The following CACNA2D3 variants were observed in gnomAD, a reference collection of about 807,000 sequenced individuals.
CACNA2D3 encodes the protein calcium voltage-gated channel auxiliary subunit alpha2delta 3.
CACNA2D3 carries 60 observed loss-of-function variants against 160.6 expected under a neutral mutation model. That is an observed-to-expected ratio of 0.37 (90% CI 0.30 to 0.46). The LOEUF is 0.46. CACNA2D3 is among the 20% of genes least tolerant of loss of function. The pLI, the probability that CACNA2D3 is intolerant of heterozygous loss-of-function variation, is 1.00. For missense variants in CACNA2D3, 1,205 were observed against 1,365.0 expected (o/e 0.88, Z 1.85); for synonymous variants, 558 against 492.9 (o/e 1.13, Z -1.75).
intron 9 of CACNA2D3, among the ~76,000 whole-genome samples, chr3:54,606,144 T>TTATATA (rs60294607): frequency 5.1e-4 from 77 of 150,848 alleles, no homozygotes; most frequent in African/African-American, 1.8e-3. Context: ...TAATGTAACT[T>TTATATA]TATATATATA....
intron 3 of CACNA2D3, among the ~76,000 whole-genome samples, chr3:54,376,588 G>A (rs772613199): frequency 1.7e-4 from 26 of 152,106 alleles, no homozygotes; most frequent in Non-Finnish European, 2.9e-4. Context: ...TGTAGCCCAC[G>A]CCACATTATC....
chr3:54,353,619 C>A (rs1042728246), intron 3 of CACNA2D3, among the ~76,000 whole-genome samples: 1 of 152,142 alleles, frequency 6.6e-6, no homozygotes, highest in East Asian at 1.9e-4. Flanking sequence ...CCCAGCCATG[C>A]AGTAGCGCAG....
intron 2 of CACNA2D3, among the ~76,000 whole-genome samples, chr3:54,171,366 A>G (rs1472776499): frequency 3.1e-4 from 47 of 151,834 alleles, no homozygotes. Context: ...CTTGGGTGGC[A>G]GGGCTGACCC....
chr3:54,598,307 C>CAAAAAAAAAAAAAAAAAAAAA (rs10656534), intron 9 of CACNA2D3, among the ~76,000 whole-genome samples: 2 of 49,844 alleles, frequency 4.0e-5, no homozygotes, highest in Non-Finnish European at 6.7e-5. Flanking sequence ...CTCCGTCTCA[C>CAAAAAAAAAAAAAAAAAAAAA]AAAAAAAAAA....
intron 9 of CACNA2D3, among the ~76,000 whole-genome samples, chr3:54,587,519 T>G (rs1180231847): frequency 6.6e-6 from 1 of 151,804 alleles, no homozygotes; most frequent in Non-Finnish European, 1.5e-5. Flanking sequence ...ATGGTGCCAC[T>G]GCACTCCAGC....
chr3:54,910,896 AT>A (rs1559625764), intron 27 of CACNA2D3, among the ~76,000 whole-genome samples: 1 of 152,096 alleles, frequency 6.6e-6, no homozygotes, highest in Non-Finnish European at 1.5e-5. Context: ...TGATTCATTT[AT>A]TTTTTTAAAC....
intron 2 of CACNA2D3, among the ~76,000 whole-genome samples, chr3:54,206,580 G>A (rs1209483637): frequency 6.6e-6 from 1 of 152,192 alleles, no homozygotes; most frequent in Non-Finnish European, 1.5e-5. Flanking sequence ...AACCTTGAGA[G>A]GGTGAGGCTA....
intron 2 of CACNA2D3, among the ~76,000 whole-genome samples, chr3:54,233,057 G>A (rs966461253): frequency 1.3e-5 from 2 of 152,166 alleles, no homozygotes; most frequent in Non-Finnish European, 2.9e-5. Context: ...GGGCTAAGGA[G>A]AGGAAGAGTG....
intron 16 of CACNA2D3, among the ~76,000 whole-genome samples, chr3:54,839,329 G>A (rs1165841507): frequency 6.6e-6 from 1 of 152,188 alleles, no homozygotes; most frequent in Non-Finnish European, 1.5e-5. Flanking sequence ...TCCTGGTGGG[G>A]ACTCTTTGGA....
intron 35 of CACNA2D3, among the ~76,000 whole-genome samples, chr3:55,066,759 G>A (rs561211795): frequency 6.6e-5 from 10 of 151,660 alleles, no homozygotes; most frequent in South Asian, 2.1e-4. Context: ...CCTTTCCCTC[G>A]AGGACCTAAT....
At chr3:54,223,870 T>A (rs1233591470) in intron 2 of CACNA2D3, among the ~76,000 whole-genome samples, 10 of 132,644 alleles carry the variant, frequency 7.5e-5, no homozygotes, top group Non-Finnish European at 1.3e-4. Context: ...AAAAAAAAAA[T>A]TATTTTTCTG....
intron 26 of CACNA2D3, among the ~76,000 whole-genome samples, chr3:54,897,497 C>T (rs1700218826): frequency 6.6e-6 from 1 of 152,172 alleles, no homozygotes. Flanking sequence ...TTCAGTTTTC[C>T]TCGTATTTTT....
chr3:54,257,984 GAA>G (rs1312947985), intron 2 of CACNA2D3, among the ~76,000 whole-genome samples: 2 of 152,170 alleles, frequency 1.3e-5, no homozygotes, highest in Non-Finnish European at 2.9e-5. Context: ...GATCCCGATA[GAA>G]CTTGAGAGAA....
At chr3:54,930,289 G>C (rs1468971272) in intron 27 of CACNA2D3, among the ~76,000 whole-genome samples, 1 of 152,096 alleles carries the variant, frequency 6.6e-6, no homozygotes, top group African/African-American at 2.4e-5. Context: ...CTCTCCTGTT[G>C]CCTCATCTAT....
chr3:54,532,821 G>T (rs1490356050), intron 5 of CACNA2D3, among the ~76,000 whole-genome samples: 12 of 152,180 alleles, frequency 7.9e-5, no homozygotes. Context: ...GTACCCAGCA[G>T]TGGGATTGCT....
intron 13 of CACNA2D3, among the ~76,000 whole-genome samples, chr3:54,801,146 C>T (rs527456351): frequency 5.9e-5 from 9 of 152,142 alleles, no homozygotes; most frequent in African/African-American, 2.2e-4. Flanking sequence ...AGCACCACGC[C>T]TGGCTAATTT....
intron 2 of CACNA2D3, among the ~76,000 whole-genome samples, chr3:54,269,920 GT>G (rs1360907638): frequency 1.3e-5 from 2 of 152,200 alleles, no homozygotes; most frequent in Non-Finnish European, 2.9e-5. Flanking sequence ...CATGGTCTCT[GT>G]TGTGTTGTCA....
At chr3:54,844,940 A>AT (rs1003753763) in intron 16 of CACNA2D3, among the ~76,000 whole-genome samples, 2 of 151,624 alleles carry the variant, frequency 1.3e-5, no homozygotes, top group Non-Finnish European at 2.9e-5. Context: ...AACTCTCAAG[A>AT]TTTTTTTTTG....
chr3:54,171,288 T>C (rs1043031663), intron 2 of CACNA2D3, among the ~76,000 whole-genome samples: 4 of 151,960 alleles, frequency 2.6e-5, no homozygotes, highest in Non-Finnish European at 1.5e-5. Flanking sequence ...TGATGATTCT[T>C]AAACCAAATT....
Sources: gnomAD v4.1 joint callset for allele counts (sites outside exome capture counted in the v4.1 genomes callset) on GRCh38, gnomAD v4.1.1 for gene constraint, MANE v1.5 for transcripts, NCBI Gene and HGNC (gene_info 2026-07-23, HGNC 2026-07-21) for gene names.